LHCGR: variants seen among roughly 807,000 people sequenced by gnomAD.
LHCGR encodes the protein luteinizing hormone/choriogonadotropin receptor, also known as lutropin-choriogonadotropic hormone receptor.
Under a neutral mutation model 60.7 loss-of-function variants are expected in LHCGR, and 55 were observed. The observed-to-expected ratio is 0.91, with a 90% CI of 0.73 to 1.13. The LOEUF (loss-of-function observed/expected upper bound fraction) is 1.13. Ranked by LOEUF, LHCGR falls within the 50% of genes most tolerant of loss-of-function variation. LHCGR has a pLI of 0.00. For missense variants in LHCGR, 862 were observed against 836.0 expected (o/e 1.03, Z -0.38); for synonymous variants, 337 against 316.5 (o/e 1.06, Z -0.69).
chr2:48,740,598 G>T (rs1417237655), intron 1 of LHCGR, among the ~76,000 whole-genome samples: 5 of 152,090 alleles, frequency 3.3e-5, no homozygotes, highest in Admixed American at 6.5e-5. Context: ...ACCTCACATG[G>T]CCGGGTACTC....
chr2:48,689,386 C>T (rs928814022), intron 10 of LHCGR, among the ~76,000 whole-genome samples: 3 of 152,036 alleles, frequency 2.0e-5, no homozygotes, highest in South Asian at 2.1e-4. Flanking sequence ...CCAAGCTGTT[C>T]GTATGTAGTA....
chr2:48,741,291 C>A (rs1163540348), intron 1 of LHCGR, among the ~76,000 whole-genome samples: 2 of 152,184 alleles, frequency 1.3e-5, no homozygotes, highest in East Asian at 1.9e-4. Context: ...AGGAGAACTT[C>A]CCCAGTCGAG....
intron 1 of LHCGR, chr2:48,732,922 C>G: frequency 1.9e-6 from 1 of 534,500 alleles, no homozygotes; most frequent in Non-Finnish European, 3.8e-6. Flanking sequence ...CGTTTAACAC[C>G]TAAACTCATT....
chr2:48,749,418 T>C (rs954611866), intron 1 of LHCGR, among the ~76,000 whole-genome samples: 3 of 152,206 alleles, frequency 2.0e-5, no homozygotes, highest in African/African-American at 7.2e-5. Flanking sequence ...GGGGAGCTGC[T>C]GGAACAAAGC....
At position 48,687,747 on chromosome 2, in the gene LHCGR, G is replaced by C; in HGVS notation, c.2050C>G (p.His684Asp). Residue 684 changes from histidine to aspartate, a missense_variant, in exon 11 of 11, where the codon CAC (histidine) becomes GAC (aspartate). Physicochemically the swap from His to Asp is moderately conservative, Grantham distance 81. Coordinates refer to ENST00000294954, the MANE Select transcript of LHCGR (RefSeq NM_000233.4). Reference sequence around the variant, plus strand: ...TCTAGGAGAGCTGTACCTTGACAGTGCAATGTGGACAACTTCAAGGTGGAT... The same window carrying C: ...TCTAGGAGAGCTGTACCTTGACAGTCCAATGTGGACAACTTCAAGGTGGAT... ...SQSTLKLSTL[H>D]CQGTALLDKT... 1 of 1,614,112 alleles carries C rather than the reference G, an allele frequency of 6.2e-7. No homozygotes were observed. The highest frequency in any genetic ancestry group is 8.5e-7 in the Non-Finnish European group (1 of 1,179,978).
chr2:48,737,892 G>C lies in LHCGR; in HGVS notation c.162-6594C>G, dbSNP rs775630048. ...CTCACTTTACAGAGAAAGAATCTTAGGAAAAGAGAAATGACTTTTTTGAAA... is the reference window on the plus strand; with the variant it reads ...CTCACTTTACAGAGAAAGAATCTTACGAAAAGAGAAATGACTTTTTTGAAA... On this transcript the variant is annotated intron_variant, in intron 1 of 10. Transcript: ENST00000294954. Among the ~76,000 whole-genome samples the C allele has an allele frequency of 7.5e-4, 114 of 152,310 alleles. 1 individual carries two copies. Among genetic ancestry groups the C allele is most frequent in the Admixed American group, 3.2e-3 (49 of 15,290 alleles).
intron 9 of LHCGR, among the ~76,000 whole-genome samples, chr2:48,695,451 G>T (rs1484527851): frequency 6.6e-6 from 1 of 152,128 alleles, no homozygotes; most frequent in African/African-American, 2.4e-5. Flanking sequence ...ATACACTGTT[G>T]GTGGGAGTGT....
chr2:48,731,178 T>A, intron 2 of LHCGR, 49 bp downstream of exon 2: 3 of 1,306,298 alleles, frequency 2.3e-6, no homozygotes, highest in Non-Finnish European at 3.3e-6. Context: ...TTAGAAAAAA[T>A]TCATTATTCC....
chr2:48,723,771 A>G, intron 4 of LHCGR, 75 bp from the exon 5 acceptor site: 1 of 1,116,100 alleles, frequency 9.0e-7, no homozygotes, highest in South Asian at 1.2e-5. Context: ...TAAAGATAAA[A>G]AGAGAGTACA....
intron 8 of LHCGR, among the ~76,000 whole-genome samples, chr2:48,707,533 A>C (rs1667752614): frequency 6.6e-6 from 1 of 152,194 alleles, no homozygotes; most frequent in South Asian, 2.1e-4. Flanking sequence ...CAGAGAGATG[A>C]GGGTTTTCTC....
chr2:48,702,697 A>G (rs1288922654), intron 8 of LHCGR, among the ~76,000 whole-genome samples: 5 of 152,118 alleles, frequency 3.3e-5, no homozygotes, highest in African/African-American at 1.2e-4. Flanking sequence ...AGTCTTTGCT[A>G]TTGTGAATAG....
Position 48,687,951 on chromosome 2 carries a change from A to G in LHCGR, c.1846T>C (p.Ser616Pro). Residue 616 changes from serine (S) to proline (P), a missense_variant, in exon 11 of 11, where the codon TCT (serine) becomes CCT (proline). By Grantham distance (74) the Ser-to-Pro change is moderately conservative. Coordinates refer to ENST00000294954, the MANE Select transcript of LHCGR (RefSeq NM_000233.4). ...GCATACAGAAATGGATTGGCACAAGAATTGATGGGATAAAAAAGAACCAGT... is the reference window on the plus strand; with the variant it reads ...GCATACAGAAATGGATTGGCACAAGGATTGATGGGATAAAAAAGAACCAGT... ...VLLVLFYPIN[S>P]CANPFLYAIF... 6.2e-7 allele frequency: 1 copy of G among 1,614,172 alleles called. No homozygotes were observed. Among genetic ancestry groups the G allele is most frequent in the East Asian group, 2.2e-5 (1 of 44,882 alleles).
At chr2:48,728,738 T>A (rs1003638707) in intron 3 of LHCGR, among the ~76,000 whole-genome samples, 1 of 152,172 alleles carries the variant, frequency 6.6e-6, no homozygotes. Flanking sequence ...ACACAGCTTT[T>A]ACACTGTAGG....
At position 48,723,475 on chromosome 2, in the gene LHCGR, T is replaced by G. The variant is rs1064796475; in HGVS notation, c.517A>C (p.Asn173His). ...ACTCACAGTGTTACAGATTCATTAT[T>G]CATCCCTTGAAAAGCATTTCCTGGT... is the stretch of plus-strand genomic sequence containing the variant. ...TIPGNAFQGM[N>H]NESVTLKLYG... The change falls in exon 6 of 11, where the codon AAT becomes CAT. Residue 173 changes from asparagine to histidine, a missense_variant. Asn to His is a moderately conservative substitution (Grantham distance 68). Transcript: ENST00000294954. 6.2e-7 allele frequency: 1 copy of G among 1,610,900 alleles called. No individual in the cohort carries two copies. Among genetic ancestry groups the G allele is most frequent in the Non-Finnish European group, 8.5e-7 (1 of 1,177,166 alleles).
chr2:48,755,466 G>T, intron 1 of LHCGR, 45 bp downstream of exon 1: 1 of 1,244,094 alleles, frequency 8.0e-7, no homozygotes, highest in Non-Finnish European at 1.1e-6. Context: ...GAGCGATGGA[G>T]GGTCCTGCAT....
intron 7 of LHCGR, 98 bp from the exon 8 acceptor site, chr2:48,709,120 G>GTATA (rs1667853298): frequency 1.1e-6 from 1 of 920,220 alleles, no homozygotes; most frequent in Non-Finnish European, 1.8e-6. Context: ...TGTGCATGAT[G>GTATA]TATAGGGTTA....
intron 1 of LHCGR, among the ~76,000 whole-genome samples, chr2:48,747,220 C>T (rs1232547440): frequency 6.6e-6 from 1 of 152,084 alleles, no homozygotes; most frequent in African/African-American, 2.4e-5. Flanking sequence ...TCCCAAGTAG[C>T]TGGGACTACA....
At position 48,686,961 on chromosome 2, in the gene LHCGR, C is replaced by T. The variant is rs572283438; in HGVS notation, c.*736G>A. On this transcript the variant is annotated 3_prime_UTR_variant, in exon 11 of 11. Coordinates refer to ENST00000294954, the MANE Select transcript of LHCGR (RefSeq NM_000233.4). ...TGCACTGAGACAGGGTTCCTACTCA[C>T]GAGGAGTTTACAGTCTACAGCTTAA... The T allele has an allele frequency of 4.6e-5, 7 of 152,234 alleles. No individual in the cohort carries two copies. In the East Asian group the frequency reaches 7.7e-4, roughly 17 times the overall value. 9.4% of individuals were successfully genotyped at this position (152,234 alleles called of 1,614,324 possible).
At chr2:48,703,536 ATTTG>A (rs1408920621) in intron 8 of LHCGR, among the ~76,000 whole-genome samples, 7 of 151,900 alleles carry the variant, frequency 4.6e-5, no homozygotes, top group African/African-American at 1.7e-4. Context: ...GGGGAATGCC[ATTTG>A]TTTGTGTCCT....
Sources: gnomAD v4.1 joint callset for allele counts (sites outside exome capture counted in the v4.1 genomes callset) on GRCh38, gnomAD v4.1.1 for gene constraint, MANE v1.5 for transcripts, NCBI Gene and HGNC (gene_info 2026-07-23, HGNC 2026-07-21) for gene names.